DAPK1: variants seen among roughly 807,000 people sequenced by gnomAD.
DAPK1 encodes the protein death associated protein kinase 1.
Under a neutral mutation model 144.9 loss-of-function variants are expected in DAPK1, and 56 were observed. That is an observed-to-expected ratio of 0.39 (90% confidence interval 0.31 to 0.48). The LOEUF is 0.48. Ranked by LOEUF, DAPK1 falls within the 20% of genes least tolerant of loss-of-function variation. The pLI, the probability that DAPK1 is intolerant of heterozygous loss-of-function variation, is 0.95. For missense variants in DAPK1, 1,454 were observed against 1,875.4 expected, an observed-to-expected ratio of 0.78 and a Z score of 4.15; for synonymous variants, 690 against 749.0, an observed-to-expected ratio of 0.92 and a Z score of 1.29.
intron 16 of DAPK1, among the ~76,000 whole-genome samples, chr9:87,650,716 GGGTCGGGGGCGACTTTGCCCCCA>G (rs1412324541): frequency 1.7e-4 from 26 of 152,308 alleles, no homozygotes; most frequent in Non-Finnish European, 2.9e-5. Context: ...CAATGGTTCT[GGGTCGGGGGCGACTTTGCCCCCA>G]GGGGTGTTTG....
intron 3 of DAPK1, among the ~76,000 whole-genome samples, chr9:87,617,845 C>A (rs1829155666): frequency 6.6e-6 from 1 of 152,182 alleles, no homozygotes; most frequent in African/African-American, 2.4e-5. Flanking sequence ...GTCCCTGCTC[C>A]CCTCTGCTTC....
intron 2 of DAPK1, among the ~76,000 whole-genome samples, chr9:87,501,270 A>G (rs570317950): frequency 1.3e-5 from 2 of 152,384 alleles, no homozygotes; most frequent in African/African-American, 2.4e-5. Context: ...CTGTAATCCC[A>G]GCACTTTTGG....
intron 3 of DAPK1, among the ~76,000 whole-genome samples, chr9:87,630,312 A>G (rs1348770607): frequency 6.6e-6 from 1 of 152,156 alleles, no homozygotes; most frequent in East Asian, 1.9e-4. Flanking sequence ...CTTGTGATTA[A>G]ATAGTTTTAT....
intron 2 of DAPK1, among the ~76,000 whole-genome samples, chr9:87,518,092 C>T (rs939606731): frequency 1.0e-4 from 13 of 126,104 alleles, no homozygotes; most frequent in African/African-American, 3.6e-4. Flanking sequence ...GAATATTTGC[C>T]GTTTATGTTG....
chr9:87,625,931 C>G (rs1247458661), intron 3 of DAPK1, among the ~76,000 whole-genome samples: 1 of 152,116 alleles, frequency 6.6e-6, no homozygotes, highest in Non-Finnish European at 1.5e-5. Flanking sequence ...GAGTACCCAT[C>G]AGTCAATTAA....
At chr9:87,571,498 A>ACACAC (rs1554684284) in intron 2 of DAPK1, among the ~76,000 whole-genome samples, 708 of 46,460 alleles carry the variant, frequency 0.015, 91 homozygotes, top group East Asian at 0.021. Context: ...CACACACCCC[A>ACACAC]ACACACACAC....
At chr9:87,690,466 C>CA (rs1184986329) in intron 21 of DAPK1, among the ~76,000 whole-genome samples, 1 of 151,990 alleles carries the variant, frequency 6.6e-6, no homozygotes, top group Non-Finnish European at 1.5e-5. Context: ...CAAAGAGGGA[C>CA]AATTTGGGTT....
intron 2 of DAPK1, among the ~76,000 whole-genome samples, chr9:87,524,504 G>A (rs1210157028): frequency 6.6e-6 from 1 of 152,174 alleles, no homozygotes; most frequent in East Asian, 1.9e-4. Flanking sequence ...CAGTAGAGCC[G>A]GGGTGGGTTT....
chr9:87,571,474 CCAACACACACACACACACACCCCA>C lies in DAPK1; in HGVS notation c.63-33479_63-33456del, dbSNP rs1453711787. ...ACACACACACACACACACACACACACCAACACACACACACACACACCCCAACACACACACACACACACACACACA... is the reference window on the plus strand; with the variant it reads ...ACACACACACACACACACACACACACACACACACACACACACACACACACA... On this transcript the variant is annotated intron_variant, in intron 2 of 25. Transcript: ENST00000408954. Among the ~76,000 whole-genome samples the C allele has an allele frequency of 1.9e-3, 92 of 48,974 alleles. 12 individuals are homozygous for C. Among genetic ancestry groups the C allele is most frequent in the African/African-American group, 2.3e-3 (28 of 12,120 alleles). 32.1% of individuals were successfully genotyped at this position (48,974 alleles called of 152,430 possible). A position where few individuals can be genotyped will look rare whatever the true frequency, so the allele number is the denominator to read the frequency against.
chr9:87,641,886 A>G, intron 9 of DAPK1, 83 bp from the exon 10 acceptor site: 1 of 1,055,472 alleles, frequency 9.5e-7, no homozygotes, highest in Non-Finnish European at 1.4e-6. Context: ...CATCCTGAAT[A>G]AGGAGATGTT....
chr9:87,674,925 T>C (rs1442866435), intron 19 of DAPK1, among the ~76,000 whole-genome samples: 1 of 152,198 alleles, frequency 6.6e-6, no homozygotes, highest in Non-Finnish European at 1.5e-5. Context: ...CCAAATAACA[T>C]TCATTCACTC....
intron 19 of DAPK1, among the ~76,000 whole-genome samples, chr9:87,675,848 T>TGCACACACAC (rs1170060640): frequency 8.5e-6 from 1 of 117,318 alleles, no homozygotes; most frequent in Non-Finnish European, 1.7e-5. Context: ...CATTCTACCC[T>TGCACACACAC]ACACACACAC....
At chr9:87,521,522 A>G (rs1243022709) in intron 2 of DAPK1, among the ~76,000 whole-genome samples, 4 of 152,220 alleles carry the variant, frequency 2.6e-5, no homozygotes, top group South Asian at 2.1e-4. Context: ...GAAGAATCAC[A>G]GGAAAGGAGG....
At chr9:87,643,185 A>G (rs144431868) in intron 10 of DAPK1, among the ~76,000 whole-genome samples, 191 bp from the exon 11 acceptor site, 67 of 152,270 alleles carry the variant, frequency 4.4e-4, no homozygotes, top group African/African-American at 1.3e-3. Flanking sequence ...TTATTCTTTA[A>G]GCAAATACAA....
intron 2 of DAPK1, among the ~76,000 whole-genome samples, chr9:87,581,320 T>G (rs550154052): frequency 6.6e-6 from 1 of 152,286 alleles, no homozygotes; most frequent in South Asian, 2.1e-4. Context: ...GGCGTTACCC[T>G]TGAACATCCT....
chr9:87,529,694 C>T (rs17399459), intron 2 of DAPK1, among the ~76,000 whole-genome samples: 18,161 of 152,256 alleles, frequency 0.12, 1,398 homozygotes, highest in Admixed American at 0.16. Flanking sequence ...ATGCAGTGGA[C>T]GTGCCTTTAT....
chr9:87,644,850 G>A (rs1308760774), intron 11 of DAPK1, among the ~76,000 whole-genome samples: 1 of 152,178 alleles, frequency 6.6e-6, no homozygotes, highest in East Asian at 1.9e-4. Context: ...ATGGGGATGA[G>A]TCATAACAAT....
chr9:87,516,435 T>C (rs1156270751), intron 2 of DAPK1, among the ~76,000 whole-genome samples: 1 of 152,114 alleles, frequency 6.6e-6, no homozygotes, highest in Admixed American at 6.5e-5. Flanking sequence ...TCATGAGTCA[T>C]GGCCCCGCAA....
chr9:87,518,452 C>A (rs1158867747), intron 2 of DAPK1, among the ~76,000 whole-genome samples: 1 of 151,776 alleles, frequency 6.6e-6, no homozygotes, highest in African/African-American at 2.4e-5. Context: ...AAAGGGAAAA[C>A]CTAAGGAAAC....
Sources: gnomAD v4.1 joint callset for allele counts (sites outside exome capture counted in the v4.1 genomes callset) on GRCh38, gnomAD v4.1.1 for gene constraint, MANE v1.5 for transcripts, NCBI Gene and HGNC (gene_info 2026-07-23, HGNC 2026-07-21) for gene names.